The following IL1RAPL1 variants were observed in gnomAD, a reference collection of about 807,000 sequenced individuals.
IL1RAPL1 encodes interleukin 1 receptor accessory protein like 1.
In IL1RAPL1, 3 loss-of-function variants were observed where a neutral mutation model predicts 48.4. That is an observed-to-expected ratio of 0.06 (90% CI 0.03 to 0.16). The LOEUF is 0.16. Among genes scored for constraint, IL1RAPL1 ranks in the 10% least tolerant of loss-of-function variants. The pLI, the probability that IL1RAPL1 is intolerant of heterozygous loss-of-function variation, is 1.00. For missense variants in IL1RAPL1, 349 were observed against 530.6 expected (o/e 0.66, Z 3.36); for synonymous variants, 185 against 187.7 (o/e 0.99, Z 0.12).
At chrX:29,691,485 A>C (rs1247290714) in intron 6 of IL1RAPL1, among the ~76,000 whole-genome samples, 2 of 111,595 alleles carry the variant, frequency 1.8e-5, no homozygotes, top group African/African-American at 6.5e-5. Context: ...TAAACAAACA[A>C]ACAAAAAATA....
intron 5 of IL1RAPL1, among the ~76,000 whole-genome samples, chrX:29,423,667 C>G (rs1320813740): frequency 9.0e-6 from 1 of 111,453 alleles, no homozygotes; most frequent in Non-Finnish European, 1.9e-5. Flanking sequence ...TGGGTATTCT[C>G]AATTACATGA....
At chrX:28,694,101 A>T (rs1242619272) in intron 1 of IL1RAPL1, among the ~76,000 whole-genome samples, 1 of 111,022 alleles carries the variant, frequency 9.0e-6, no homozygotes, top group Non-Finnish European at 1.9e-5. Context: ...TCTTCTGGAA[A>T]CACCCTTCTC....
chrX:28,720,685 G>A (rs141929435), intron 1 of IL1RAPL1, among the ~76,000 whole-genome samples: 169 of 111,386 alleles, frequency 1.5e-3, no homozygotes, highest in African/African-American at 5.0e-3. Context: ...TGGGCCATGT[G>A]GGTATGCTGC....
chrX:29,456,728 G>A (rs1341504012), intron 5 of IL1RAPL1, among the ~76,000 whole-genome samples: 1 of 110,964 alleles, frequency 9.0e-6, no homozygotes, highest in African/African-American at 3.3e-5. Flanking sequence ...AACCCATTTT[G>A]GCTAGGAAAG....
intron 6 of IL1RAPL1, among the ~76,000 whole-genome samples, chrX:29,777,715 A>G (rs760247852): frequency 9.0e-6 from 1 of 111,169 alleles, no homozygotes; most frequent in Non-Finnish European, 1.9e-5. Context: ...AATGGTAAGA[A>G]GTTTTTTTTT....
chrX:29,510,716 A>C (rs185718117), intron 5 of IL1RAPL1, among the ~76,000 whole-genome samples: 359 of 111,539 alleles, frequency 3.2e-3, no homozygotes, highest in African/African-American at 0.01. Context: ...TGCCATCCTT[A>C]GGTCTTACTA....
chrX:29,259,298 G>A (rs1931810611), intron 2 of IL1RAPL1, among the ~76,000 whole-genome samples: 1 of 111,137 alleles, frequency 9.0e-6, no homozygotes, highest in Admixed American at 9.6e-5. Flanking sequence ...TTTTAATTTT[G>A]AGTGAAAAAA....
rs915895956 is a variant in IL1RAPL1, at chrX:28,951,977, G to C, written c.82+162552G>C. Among the ~76,000 whole-genome samples the C allele has an allele frequency of 4.5e-5, 5 of 110,780 alleles. No homozygotes were observed. In the South Asian group the frequency reaches 1.9e-3, roughly 42 times the overall value. On this transcript the variant is annotated intron_variant, in intron 2 of 10. Transcript: ENST00000378993. ...AGAAGGATAAAATTGGCATCAGGGAGATATAAGACTGCAGTCCTCATATAC... is the reference window on the plus strand; with the variant it reads ...AGAAGGATAAAATTGGCATCAGGGACATATAAGACTGCAGTCCTCATATAC...
intron 5 of IL1RAPL1, among the ~76,000 whole-genome samples, chrX:29,588,197 A>C (rs1923246957): frequency 8.9e-6 from 1 of 112,510 alleles, no homozygotes. Context: ...TCATTCCTTC[A>C]GTAAATATTT....
At chrX:29,225,622 G>T (rs1931062449) in intron 2 of IL1RAPL1, among the ~76,000 whole-genome samples, 1 of 111,730 alleles carries the variant, frequency 9.0e-6, no homozygotes. Flanking sequence ...TAAATGCTGG[G>T]GTGAGCTAAT....
intron 1 of IL1RAPL1, among the ~76,000 whole-genome samples, chrX:28,615,089 T>C (rs767744455): frequency 2.6e-3 from 282 of 108,901 alleles, no homozygotes; most frequent in African/African-American, 7.0e-3. Flanking sequence ...GGGGTTTCAC[T>C]GTGTTAGCCA....
At chrX:29,895,499 G>A (rs774725036) in intron 6 of IL1RAPL1, among the ~76,000 whole-genome samples, 1 of 112,397 alleles carries the variant, frequency 8.9e-6, no homozygotes, top group African/African-American at 3.2e-5. Flanking sequence ...GAGCAAGATC[G>A]CACCACTGCA....
chrX:29,640,050 T>C (rs764706343), intron 5 of IL1RAPL1, among the ~76,000 whole-genome samples: 1 of 112,081 alleles, frequency 8.9e-6, no homozygotes, highest in South Asian at 3.7e-4. Context: ...TGGCTACAGC[T>C]GGTGTTACGG....
chrX:29,052,698 G>T (rs1927121479), intron 2 of IL1RAPL1, among the ~76,000 whole-genome samples: 1 of 110,124 alleles, frequency 9.1e-6, no homozygotes, highest in Non-Finnish European at 1.9e-5. Context: ...TTGAGATGGA[G>T]TCTTGCTCTG....
chrX:29,081,045 TTTTCTTTTC>T (rs1927828785), intron 2 of IL1RAPL1, among the ~76,000 whole-genome samples: 1 of 93,853 alleles, frequency 1.1e-5, no homozygotes, highest in Non-Finnish European at 2.1e-5. Context: ...TTTTCTTTTC[TTTTCTTTTC>T]TTTTCTTTCT....
chrX:29,374,536 C>G (rs1381149281), intron 3 of IL1RAPL1, among the ~76,000 whole-genome samples: 1 of 109,514 alleles, frequency 9.1e-6, no homozygotes, highest in Non-Finnish European at 1.9e-5. Context: ...CGCACCAGCC[C>G]TGGCAGGACC....
intron 1 of IL1RAPL1, among the ~76,000 whole-genome samples, chrX:28,624,345 AGCAT>A (rs1223078714): frequency 8.9e-6 from 1 of 111,787 alleles, no homozygotes; most frequent in Non-Finnish European, 1.9e-5. Flanking sequence ...TATGTCCCAC[AGCAT>A]TACTTTTGAT....
At chrX:28,829,041 G>A (rs923288980) in intron 2 of IL1RAPL1, among the ~76,000 whole-genome samples, 1 of 111,933 alleles carries the variant, frequency 8.9e-6, no homozygotes, top group Admixed American at 9.5e-5. Flanking sequence ...GCAGTTTTCA[G>A]TATACAACTT....
intron 5 of IL1RAPL1, among the ~76,000 whole-genome samples, chrX:29,488,655 A>G (rs113026852): frequency 1.5e-4 from 17 of 109,985 alleles, no homozygotes; most frequent in Non-Finnish European, 2.7e-4. Flanking sequence ...ACATATAACT[A>G]TGAGAGGTGG....
Sources: allele counts gnomAD v4.1 joint callset (sites outside exome capture counted in the v4.1 genomes callset), GRCh38; gene constraint gnomAD v4.1.1; transcripts MANE v1.5; gene names NCBI Gene and HGNC (gene_info 2026-07-23, HGNC 2026-07-21).